The following SPECC1 variants were observed in gnomAD, a reference collection of about 807,000 sequenced individuals.
The protein encoded by SPECC1 is cytospin-B.
SPECC1 carries 62 observed loss-of-function variants against 104.1 expected under a neutral mutation model. That is an observed-to-expected ratio of 0.60 (90% CI 0.49 to 0.74). The LOEUF (loss-of-function observed/expected upper bound fraction) is 0.74. SPECC1 is among the 30% of genes least tolerant of loss of function. SPECC1 has a pLI of 0.00. For synonymous variants in SPECC1, 513 were observed against 501.6 expected (o/e 1.02, Z -0.30); for missense variants, 1,306 against 1,310.5 (o/e 1.00, Z 0.05).
intron 2 of SPECC1, among the ~76,000 whole-genome samples, chr17:20,103,329 C>G (rs761450397): frequency 7.9e-5 from 12 of 152,166 alleles, no homozygotes; most frequent in Admixed American, 1.3e-4. Flanking sequence ...ACATTCGTTT[C>G]TCTGCAGCTT....
At chr17:20,073,777 T>C (rs1478653248) in intron 1 of SPECC1, 1 of 152,170 alleles carries the variant, frequency 6.6e-6, no homozygotes, top group African/African-American at 2.4e-5. Context: ...TGCTTCTGCT[T>C]TAGGTACAAT....
intron 3 of SPECC1, among the ~76,000 whole-genome samples, chr17:20,140,668 C>A (rs1452154362): frequency 6.6e-6 from 1 of 152,210 alleles, no homozygotes; most frequent in African/African-American, 2.4e-5. Flanking sequence ...AGGAGACTAC[C>A]AGCCAAAAGT....
At chr17:20,131,620 G>A (rs1240598704) in intron 3 of SPECC1, among the ~76,000 whole-genome samples, 1 of 150,346 alleles carries the variant, frequency 6.7e-6, no homozygotes, top group Non-Finnish European at 1.5e-5. Context: ...GATCTACGTG[G>A]AAAGCATTCA....
chr17:20,315,177 A>G lies in SPECC1; in HGVS notation c.*1112A>G. 1 of 233,120 alleles carries G rather than the reference A, an allele frequency of 4.3e-6. No homozygotes were observed. Among genetic ancestry groups the G allele is most frequent in the Non-Finnish European group, 8.5e-6 (1 of 117,980 alleles). The allele number at this position is 233,120 out of a possible 1,614,324, so 14.4% of individuals were successfully genotyped here. Reference sequence around the variant, plus strand: ...CCTCTGGGGATGCTGGGCTGACAGCAAATCCCAACAGTATTTCGGCTCTGG... The same window carrying G: ...CCTCTGGGGATGCTGGGCTGACAGCGAATCCCAACAGTATTTCGGCTCTGG... On this transcript the variant is annotated 3_prime_UTR_variant, in exon 15 of 15. Coordinates refer to ENST00000395527, the MANE Select transcript of SPECC1 (RefSeq NM_001243439.2).
chr17:20,164,304 G>A (rs1482088065), intron 3 of SPECC1, among the ~76,000 whole-genome samples: 2 of 151,872 alleles, frequency 1.3e-5, no homozygotes, highest in Non-Finnish European at 2.9e-5. Context: ...GGGACTACAG[G>A]CAGTGCCACC....
At chr17:20,246,176 C>A in intron 8 of SPECC1, 105 bp downstream of exon 8, 1 of 1,392,576 alleles carries the variant, frequency 7.2e-7, no homozygotes, top group South Asian at 1.3e-5. Flanking sequence ...GTTGTTACAA[C>A]CACAAGGGCG....
intron 4 of SPECC1, among the ~76,000 whole-genome samples, chr17:20,217,933 G>A (rs528469313): frequency 4.3e-4 from 66 of 152,210 alleles, no homozygotes; most frequent in Admixed American, 6.5e-4. Context: ...GAGGGAGGCC[G>A]AAGTGGGGAG....
rs58071050 is a variant in SPECC1, at chr17:20,251,224, CA to C, written c.2599-2264del. On this transcript the variant is annotated intron_variant, in intron 9 of 14. Coordinates refer to ENST00000395527, the MANE Select transcript of SPECC1 (RefSeq NM_001243439.2). ...TGGGCGACAGAGTAAGACTCTATCT[CA>C]AAAAAAAAAAAAAAAAGCATATGGT... Among the ~76,000 whole-genome samples, 98 of 51,006 alleles carry C rather than the reference CA, an allele frequency of 1.9e-3. 5 individuals carry two copies. The highest frequency in any genetic ancestry group is 8.1e-3 in the East Asian group (9 of 1,106). 33.5% of individuals were successfully genotyped at this position (51,006 alleles called of 152,430 possible).
intron 3 of SPECC1, among the ~76,000 whole-genome samples, chr17:20,190,076 G>C (rs2035558590): frequency 6.7e-6 from 1 of 149,892 alleles, no homozygotes; most frequent in South Asian, 2.1e-4. Context: ...CCACTGAGAC[G>C]ACCCAAAAGA....
At position 20,054,545 on chromosome 17, in the gene SPECC1, G is replaced by A. The variant is rs940509565; in HGVS notation, c.-21-42086G>A. ...TTGCTGTGATCACATCACTGTCATT[G>A]TTTGTCTCTCAATGTCTGTTTTTCA... On this transcript the variant is annotated intron_variant, in intron 1 of 14. Coordinates refer to ENST00000395527, the MANE Select transcript of SPECC1 (RefSeq NM_001243439.2). Among the ~76,000 whole-genome samples the A allele has an allele frequency of 2.0e-5, 3 of 152,160 alleles. 1 individual carries two copies. The highest frequency in any genetic ancestry group is 2.0e-4 in the Admixed American group (3 of 15,286).
chr17:20,184,147 C>G (rs7221756), intron 3 of SPECC1, among the ~76,000 whole-genome samples: 7,918 of 146,174 alleles, frequency 0.054, 691 homozygotes, highest in African/African-American at 0.19. Flanking sequence ...TGCCACTGCA[C>G]TCCGGCCTGG....
chr17:20,111,028 G>A (rs1255162199), intron 3 of SPECC1, among the ~76,000 whole-genome samples: 2 of 152,142 alleles, frequency 1.3e-5, no homozygotes, highest in African/African-American at 4.8e-5. Flanking sequence ...GGACGGCAGT[G>A]GCAACAGGAA....
At chr17:20,303,424 C>A (rs1241279890) in intron 13 of SPECC1, among the ~76,000 whole-genome samples, 1 of 152,150 alleles carries the variant, frequency 6.6e-6, no homozygotes. Flanking sequence ...CACAGATCAA[C>A]AGCTTTCCAA....
Position 20,204,949 on chromosome 17 carries a change from T to TAA in SPECC1, c.907_908dup (p.Asn303LysfsTer64). ...AGATGTCCAGTGACATTGATGAGTA[T>TAA]AAAAAAAACATACATGGAAATGCAT... On this transcript the variant is annotated frameshift_variant, in exon 4 of 15. Coordinates refer to ENST00000395527, the MANE Select transcript of SPECC1 (RefSeq NM_001243439.2). LOFTEE classifies it high-confidence loss of function. 6.2e-7 allele frequency: 1 copy of TAA among 1,613,488 alleles called. No homozygotes were observed. The highest frequency in any genetic ancestry group is 8.5e-7 in the Non-Finnish European group (1 of 1,179,822).
intron 1 of SPECC1, among the ~76,000 whole-genome samples, chr17:20,060,458 G>C (rs1394863833): frequency 6.6e-6 from 1 of 151,988 alleles, no homozygotes; most frequent in African/African-American, 2.4e-5. Flanking sequence ...ACCAGCCCGG[G>C]TAACACAGTG....
chr17:20,197,960 TAG>T lies in SPECC1; in HGVS notation c.284-6368_284-6367del, dbSNP rs1023401768. Among the ~76,000 whole-genome samples, 48 of 152,164 alleles carry T rather than the reference TAG, an allele frequency of 3.2e-4. 1 individual carries two copies. The highest frequency in any genetic ancestry group is 7.3e-5 in the Non-Finnish European group (5 of 68,030). On this transcript the variant is annotated intron_variant, in intron 3 of 14. Coordinates refer to ENST00000395527, the MANE Select transcript of SPECC1 (RefSeq NM_001243439.2). The stretch of plus-strand genomic sequence containing the variant: ...CCCCCCATTCATTCAACTGTTTGCA[TAG>T]AGAGTGAGAAGCTAGAAATCTGACT...
At chr17:20,185,659 AG>A (rs2035220382) in intron 3 of SPECC1, among the ~76,000 whole-genome samples, 1 of 151,684 alleles carries the variant, frequency 6.6e-6, no homozygotes, top group African/African-American at 2.4e-5. Flanking sequence ...CAGGAATGTA[AG>A]GGTTAGTAAA....
rs1433092462 is a variant in SPECC1 at position 20,111,821 on chromosome 17, G to A, written c.283+1259G>A. 8.6e-5 allele frequency: 71 copies of A among 825,220 alleles called. No homozygotes were observed. The Admixed American group carries it at 1.0e-3, about 12-fold the overall frequency. The allele number at this position is 825,220 out of a possible 1,614,324, so 51.1% of individuals were successfully genotyped here. A position where few individuals can be genotyped will look rare whatever the true frequency, so the allele number is the denominator to read the frequency against. On this transcript the variant is annotated intron_variant, in intron 3 of 14. Transcript: ENST00000395527. The stretch of plus-strand genomic sequence containing the variant: ...ACTCAGGACCCAGGGGGGGGGCAGC[G>A]CGATGAGGTGGGTGGCCCTGTTCCT...
chr17:20,252,467 A>G (rs887807739), intron 9 of SPECC1, among the ~76,000 whole-genome samples: 1 of 151,970 alleles, frequency 6.6e-6, no homozygotes, highest in Admixed American at 6.5e-5. Flanking sequence ...TCTGTCCTCT[A>G]GAACTTTGTT....
Sources: allele counts gnomAD v4.1 joint callset (sites outside exome capture counted in the v4.1 genomes callset), GRCh38; gene constraint gnomAD v4.1.1; transcripts MANE v1.5; gene names NCBI Gene and HGNC (gene_info 2026-07-23, HGNC 2026-07-21).